Variants in CLEC3A observed in about 807,000 individuals in gnomAD.
CLEC3A encodes the protein C-type (calcium dependent, carbohydrate-recognition domain) lectin, superfamily member 1 (cartilage-derived).
Under a neutral mutation model 20.4 loss-of-function variants are expected in CLEC3A, and 28 were observed. The ratio of observed to expected loss-of-function variants is 1.37; its 90% CI spans 1.02 to 1.88. The LOEUF (loss-of-function observed/expected upper bound fraction) is 1.88. Among genes scored for constraint, CLEC3A ranks in the 40% most tolerant of loss-of-function variants. The pLI is 0.00. For missense variants in CLEC3A, 357 were observed against 240.4 expected, an observed-to-expected ratio of 1.48 and a Z score of -3.21; for synonymous variants, 110 against 88.1, an observed-to-expected ratio of 1.25 and a Z score of -1.39.
Position 78,028,227 on chromosome 16 carries a change from G to C in CLEC3A, c.199+37G>C, listed in dbSNP as rs745941219. ...ACCTTCTCAGTGCCTTGTCCCAAAG[G>C]AGACAGGAAAATTTCTGGGTCAATT... On this transcript the variant is annotated intron_variant, in intron 2 of 2. Coordinates refer to ENST00000299642, the MANE Select transcript of CLEC3A (RefSeq NM_005752.6). 4.1e-6 allele frequency: 6 copies of C among 1,455,296 alleles called. 1 individual carries two copies. The highest frequency in any genetic ancestry group is 1.5e-5 in the African/African-American group (1 of 68,094). 90.1% of individuals were successfully genotyped at this position (1,455,296 alleles called of 1,614,324 possible).
At position 78,031,221 on chromosome 16, in the gene CLEC3A, T is replaced by G; in HGVS notation, c.*380T>G. ...CCTGAAAGATTTTCCCTTGGAAGTTTAGCGTATGTTTGACTAACAAAAATT... is the reference window on the plus strand; with the variant it reads ...CCTGAAAGATTTTCCCTTGGAAGTTGAGCGTATGTTTGACTAACAAAAATT... On this transcript the variant is annotated 3_prime_UTR_variant, in exon 3 of 3. Transcript: ENST00000299642. The G allele has an allele frequency of 5.8e-6, 1 of 173,328 alleles. No individual in the cohort carries two copies. Among genetic ancestry groups the G allele is most frequent in the Non-Finnish European group, 1.2e-5 (1 of 82,066 alleles). 10.7% of individuals were successfully genotyped at this position (173,328 alleles called of 1,614,324 possible).
chr16:78,026,295 A>G (rs538315434), intron 1 of CLEC3A, among the ~76,000 whole-genome samples: 1 of 152,202 alleles, frequency 6.6e-6, no homozygotes, highest in East Asian at 1.9e-4. Flanking sequence ...GCACATGTGA[A>G]TTTTAGACTG....
chr16:78,030,922 A>G lies in CLEC3A; in HGVS notation c.*81A>G. On this transcript the variant is annotated 3_prime_UTR_variant, in exon 3 of 3. Transcript: ENST00000299642. ...TCTCTAAGATCAAGTAAAAATCATA[A>G]TTTTTACTTATTAAAAAATTGCAAC... 1 of 1,431,312 alleles carries G rather than the reference A, an allele frequency of 7.0e-7. No individual in the cohort carries two copies. Among genetic ancestry groups the G allele is most frequent in the Non-Finnish European group, 9.4e-7 (1 of 1,068,332 alleles). 88.7% of individuals were successfully genotyped at this position (1,431,312 alleles called of 1,614,324 possible). A position where few individuals can be genotyped will look rare whatever the true frequency, so the allele number is the denominator to read the frequency against.
At chr16:78,027,177 G>C (rs1366800645) in intron 1 of CLEC3A, among the ~76,000 whole-genome samples, 1 of 152,032 alleles carries the variant, frequency 6.6e-6, no homozygotes, top group African/African-American at 2.4e-5. Context: ...ATCATGTTAA[G>C]CATCAGAAGA....
intron 2 of CLEC3A, among the ~76,000 whole-genome samples, chr16:78,028,532 C>CA (rs1281895112): frequency 6.6e-6 from 1 of 152,160 alleles, no homozygotes; most frequent in Non-Finnish European, 1.5e-5. Flanking sequence ...CCTATCAGGC[C>CA]ACCAGGACTC....
chr16:78,027,235 A>T (rs2029950266), intron 1 of CLEC3A, among the ~76,000 whole-genome samples: 1 of 152,246 alleles, frequency 6.6e-6, no homozygotes, highest in African/African-American at 2.4e-5. Context: ...GAGAAAAGAA[A>T]ATATACAGAA....
intron 2 of CLEC3A, chr16:78,029,084 C>T (rs1409826770): frequency 2.2e-6 from 1 of 453,884 alleles, no homozygotes; most frequent in South Asian, 1.6e-5. Flanking sequence ...ATCCATTAAT[C>T]CTCCAGCAAC....
At chr16:78,027,412 T>A (rs1010240794) in intron 1 of CLEC3A, among the ~76,000 whole-genome samples, 1 of 152,172 alleles carries the variant, frequency 6.6e-6, no homozygotes, top group African/African-American at 2.4e-5. Flanking sequence ...AGGAAAGCGC[T>A]GGAGCAAGAG....
rs2030084946 is a variant in CLEC3A at position 78,030,964 on chromosome 16, T to C, written c.*123T>C. The stretch of plus-strand genomic sequence containing the variant: ...AATTGCAACACAAGATCAATGTCCA[T>C]AGCAATATGATAGCATCAGCCAATT... On this transcript the variant is annotated 3_prime_UTR_variant, in exon 3 of 3. Coordinates refer to ENST00000299642, the MANE Select transcript of CLEC3A (RefSeq NM_005752.6). The C allele has an allele frequency of 4.5e-6, 5 of 1,122,934 alleles. No individual in the cohort carries two copies. The highest frequency in any genetic ancestry group is 3.1e-4 in the Middle Eastern group (1 of 3,238). The allele number at this position is 1,122,934 out of a possible 1,614,324, so 69.6% of individuals were successfully genotyped here.
intron 1 of CLEC3A, among the ~76,000 whole-genome samples, chr16:78,024,259 C>A (rs536467971): frequency 2.0e-5 from 3 of 152,050 alleles, no homozygotes; most frequent in Admixed American, 1.3e-4. Flanking sequence ...TGGCACTCCT[C>A]GTGAGAGTGG....
Position 78,030,960 on chromosome 16 carries a change from T to C in CLEC3A, c.*119T>C, listed in dbSNP as rs2030084739. On this transcript the variant is annotated 3_prime_UTR_variant, in exon 3 of 3. Coordinates refer to ENST00000299642, the MANE Select transcript of CLEC3A (RefSeq NM_005752.6). The stretch of plus-strand genomic sequence containing the variant: ...AAAAAATTGCAACACAAGATCAATG[T>C]CCATAGCAATATGATAGCATCAGCC... 8.6e-6 allele frequency: 10 copies of C among 1,156,594 alleles called. No homozygotes were observed. The highest frequency in any genetic ancestry group is 1.7e-5 in the South Asian group (1 of 59,682). The allele number at this position is 1,156,594 out of a possible 1,614,324, so 71.6% of individuals were successfully genotyped here.
intron 2 of CLEC3A, 39 bp downstream of exon 2, chr16:78,028,229 G>T (rs775951786): frequency 3.5e-6 from 5 of 1,448,016 alleles, no homozygotes; most frequent in South Asian, 1.3e-5. Flanking sequence ...TCCCAAAGGA[G>T]ACAGGAAAAT....
chr16:78,029,152 G>A (rs1222395738), intron 2 of CLEC3A: 2 of 455,754 alleles, frequency 4.4e-6, no homozygotes, highest in Non-Finnish European at 8.8e-6. Context: ...AAGAAGGTAA[G>A]TAATTTGTTC....
At chr16:78,028,267 T>C in intron 2 of CLEC3A, 77 bp downstream of exon 2, 1 of 1,000,084 alleles carries the variant, frequency 1.0e-6, no homozygotes, top group Non-Finnish European at 1.4e-6. Context: ...GGGGACGTCT[T>C]TTTAAAAGAA....
chr16:78,026,218 C>T (rs1479779813), intron 1 of CLEC3A, among the ~76,000 whole-genome samples: 1 of 152,180 alleles, frequency 6.6e-6, no homozygotes, highest in Non-Finnish European at 1.5e-5. Flanking sequence ...TTCCAGAAGA[C>T]AGCTTCCTAA....
At chr16:78,028,711 A>C (rs1015777250) in intron 2 of CLEC3A, among the ~76,000 whole-genome samples, 3 of 152,222 alleles carry the variant, frequency 2.0e-5, no homozygotes, top group Admixed American at 2.0e-4. Flanking sequence ...AGGTTTGGGA[A>C]CAGCCCTGGT....
intron 1 of CLEC3A, among the ~76,000 whole-genome samples, chr16:78,026,037 C>T (rs2142589220): frequency 6.6e-6 from 1 of 152,282 alleles, no homozygotes; most frequent in South Asian, 2.1e-4. Context: ...AAGCCCGGCC[C>T]CCACCAGCTG....
At chr16:78,029,650 G>C (rs964979244) in intron 2 of CLEC3A, among the ~76,000 whole-genome samples, 2 of 151,850 alleles carry the variant, frequency 1.3e-5, no homozygotes, top group African/African-American at 4.8e-5. Flanking sequence ...TTATAAGTGT[G>C]AGCCACCACG....
chr16:78,022,896 G>T (rs77588779), intron 1 of CLEC3A, among the ~76,000 whole-genome samples, 155 bp downstream of exon 1: 5,059 of 152,212 alleles, frequency 0.033, 112 homozygotes, highest in African/African-American at 0.071. Context: ...AAGTGAACTT[G>T]TAATGCTCTG....
Sources: gnomAD v4.1 joint callset for allele counts (sites outside exome capture counted in the v4.1 genomes callset) on GRCh38, gnomAD v4.1.1 for gene constraint, MANE v1.5 for transcripts, NCBI Gene and HGNC (gene_info 2026-07-23, HGNC 2026-07-21) for gene names.